Variants in NUP210L observed in about 807,000 individuals in gnomAD.
NUP210L encodes nuclear pore membrane glycoprotein 210-like.
A neutral mutation model predicts 208.5 loss-of-function variants in NUP210L; 74 were observed. The observed-to-expected ratio is 0.35, with a 90% confidence interval of 0.29 to 0.43. NUP210L has a LOEUF of 0.43. NUP210L is among the 20% of genes least tolerant of loss of function. NUP210L has a pLI of 1.00. For synonymous variants in NUP210L, 780 were observed against 816.9 expected (o/e 0.95, Z 0.77); for missense variants, 1,843 against 2,289.4 (o/e 0.81, Z 3.98).
chr1:154,125,535 T>C (rs1412257491), intron 10 of NUP210L, among the ~76,000 whole-genome samples: 1 of 149,590 alleles, frequency 6.7e-6, no homozygotes, highest in Non-Finnish European at 1.5e-5. Flanking sequence ...GGTGGGAGGA[T>C]TGCTTGAGCC....
intron 16 of NUP210L, among the ~76,000 whole-genome samples, chr1:154,083,206 C>A (rs1321754413): frequency 6.6e-6 from 1 of 152,154 alleles, no homozygotes; most frequent in African/African-American, 2.4e-5. Context: ...GTCCATTTTA[C>A]AGAGTGCTGA....
intron 12 of NUP210L, among the ~76,000 whole-genome samples, chr1:154,108,172 T>C (rs1302766894): frequency 1.3e-5 from 2 of 152,110 alleles, no homozygotes. Context: ...TTTGTTTTTG[T>C]TTTGAGATGG....
exon 30 of NUP210L, chr1:154,025,595 C>A (rs1472601782): frequency 5.0e-6 from 8 of 1,613,830 alleles, no homozygotes; most frequent in African/African-American, 4.0e-5. Context: ...ATAGAAGTGA[C>A]TTCCAATACA....
chr1:154,008,475 G>A (rs1482207315), intron 35 of NUP210L, among the ~76,000 whole-genome samples: 4 of 152,150 alleles, frequency 2.6e-5, no homozygotes, highest in Non-Finnish European at 4.4e-5. Flanking sequence ...TTGGGATGCT[G>A]AGGCAGGCGG....
At chr1:154,000,532 T>C (rs921646215) in intron 37 of NUP210L, among the ~76,000 whole-genome samples, 3 of 152,206 alleles carry the variant, frequency 2.0e-5, no homozygotes, top group Non-Finnish European at 4.4e-5. Flanking sequence ...AGCACTGCAC[T>C]GTGATACCTT....
chr1:154,010,372 A>AT (rs1030088876), intron 34 of NUP210L, among the ~76,000 whole-genome samples: 2 of 151,806 alleles, frequency 1.3e-5, no homozygotes, highest in South Asian at 2.1e-4. Context: ...TTTTTCAAAG[A>AT]TTTTTTTTGA....
intron 12 of NUP210L, among the ~76,000 whole-genome samples, chr1:154,111,905 C>T (rs1373660629): frequency 1.3e-5 from 2 of 151,314 alleles, no homozygotes; most frequent in South Asian, 2.1e-4. Context: ...ATTAGTAAAC[C>T]AAATTCAACA....
At chr1:154,102,592 T>C (rs1157424465) in intron 13 of NUP210L, among the ~76,000 whole-genome samples, 1 of 152,106 alleles carries the variant, frequency 6.6e-6, no homozygotes, top group Non-Finnish European at 1.5e-5. Flanking sequence ...CTTATAGATA[T>C]AAGAATTAAA....
chr1:154,084,253 C>A (rs1478040333), intron 16 of NUP210L, among the ~76,000 whole-genome samples: 1 of 150,914 alleles, frequency 6.6e-6, no homozygotes, highest in Non-Finnish European at 1.5e-5. Context: ...GCTTTGTTGC[C>A]CAAACTGGAG....
chr1:154,042,267 T>A (rs1011146460), intron 27 of NUP210L, among the ~76,000 whole-genome samples: 1 of 152,038 alleles, frequency 6.6e-6, no homozygotes, highest in Admixed American at 6.6e-5. Flanking sequence ...GCCTGGCTAA[T>A]CTCATGTGTG....
At chr1:154,125,091 G>A (rs546861392) in intron 10 of NUP210L, among the ~76,000 whole-genome samples, 1 of 152,296 alleles carries the variant, frequency 6.6e-6, no homozygotes, top group South Asian at 2.1e-4. Flanking sequence ...GATCACTTGA[G>A]CCTAGGAGTT....
At chr1:154,055,116 T>TC (rs1176117038) in intron 23 of NUP210L, among the ~76,000 whole-genome samples, 3 of 135,096 alleles carry the variant, frequency 2.2e-5, no homozygotes, top group Non-Finnish European at 4.5e-5. Context: ...TTCTTTCTCT[T>TC]TCTTTCTTTT....
chr1:154,033,027 G>C (rs1652347614), intron 27 of NUP210L, among the ~76,000 whole-genome samples: 1 of 150,930 alleles, frequency 6.6e-6, no homozygotes, highest in African/African-American at 2.5e-5. Context: ...GAAAAAGAAG[G>C]AAGGAAGGAA....
chr1:154,095,218 G>T, intron 14 of NUP210L, 62 bp from the exon 15 acceptor site: 3 of 1,224,596 alleles, frequency 2.4e-6, no homozygotes, highest in Admixed American at 1.8e-5. Flanking sequence ...TTTCTAAAGT[G>T]AAACACTAGT....
At chr1:154,060,629 G>C in exon 20 of NUP210L, 1 of 1,609,732 alleles carries the variant, frequency 6.2e-7, no homozygotes, top group Non-Finnish European at 8.5e-7. Context: ...CCTTCCACAA[G>C]GCTAAATGTT....
intron 17 of NUP210L, among the ~76,000 whole-genome samples, chr1:154,065,539 CA>C (rs1307700526): frequency 6.6e-6 from 1 of 152,088 alleles, no homozygotes; most frequent in Non-Finnish European, 1.5e-5. Flanking sequence ...CTAAAAAATA[CA>C]AGAGTCAAAG....
intron 27 of NUP210L, among the ~76,000 whole-genome samples, chr1:154,041,203 G>A (rs1652854916): frequency 6.6e-6 from 1 of 151,856 alleles, no homozygotes; most frequent in South Asian, 2.1e-4. Flanking sequence ...GGGCTCAAGT[G>A]ATCCTCTCAC....
At chr1:154,123,231 C>T (rs559712580) in intron 10 of NUP210L, among the ~76,000 whole-genome samples, 3 of 152,180 alleles carry the variant, frequency 2.0e-5, no homozygotes, top group Non-Finnish European at 4.4e-5. Flanking sequence ...CTGCAACCTC[C>T]GCCTCCCAGG....
intron 2 of NUP210L, among the ~76,000 whole-genome samples, chr1:154,147,944 C>T (rs1475436150): frequency 1.4e-5 from 2 of 139,282 alleles, no homozygotes; most frequent in Non-Finnish European, 1.6e-5. Flanking sequence ...GGTGAGCCAC[C>T]GTGCCTGGCC....
Sources: allele counts gnomAD v4.1 joint callset (sites outside exome capture counted in the v4.1 genomes callset), GRCh38; gene constraint gnomAD v4.1.1; transcripts MANE v1.5; gene names NCBI Gene and HGNC (gene_info 2026-07-23, HGNC 2026-07-21).